The following KCNIP4 variants were observed in gnomAD, a reference collection of about 807,000 sequenced individuals.
The protein encoded by KCNIP4 is potassium voltage-gated channel interacting protein 4.
In KCNIP4, 12 loss-of-function variants were observed where a neutral mutation model predicts 34.0. The observed-to-expected ratio is 0.35, with a 90% CI of 0.23 to 0.57. The LOEUF (loss-of-function observed/expected upper bound fraction) is 0.57, where lower values mean the gene tolerates loss of function less well. KCNIP4 is among the 20% of genes least tolerant of loss of function. The pLI, the probability that KCNIP4 is intolerant of heterozygous loss-of-function variation, is 0.83. For missense variants in KCNIP4, 238 were observed against 311.7 expected, an observed-to-expected ratio of 0.76 and a Z score of 1.78; for synonymous variants, 124 against 102.2, an observed-to-expected ratio of 1.21 and a Z score of -1.29.
At chr4:21,515,887 T>C (rs1462753271) in intron 1 of KCNIP4, among the ~76,000 whole-genome samples, 1 of 152,160 alleles carries the variant, frequency 6.6e-6, no homozygotes, top group African/African-American at 2.4e-5. Context: ...TCCAGAAGCA[T>C]GAGACAAATA....
intron 1 of KCNIP4, among the ~76,000 whole-genome samples, chr4:21,466,914 A>G (rs757967410): frequency 2.0e-5 from 3 of 152,070 alleles, no homozygotes; most frequent in Non-Finnish European, 4.4e-5. Flanking sequence ...ACTCAGTATC[A>G]TTGTATTTAC....
rs1577880052 is a variant in KCNIP4 at position 21,201,869 on chromosome 4, T to G, written c.62-319160A>C. ...TTCACACAATAAATAACTACCTTTA[T>G]AAAATACCTAATGTGTGTGAAGTAT... On this transcript the variant is annotated intron_variant, in intron 1 of 8. Coordinates refer to ENST00000382152, the MANE Select transcript of KCNIP4 (RefSeq NM_025221.6). 7.9e-5 allele frequency among the ~76,000 whole-genome samples: 12 copies of G among 152,344 alleles called. No homozygotes were observed. The South Asian group carries it at 2.5e-3, about 32-fold the overall frequency.
chr4:21,662,488 C>T (rs991055095), intron 1 of KCNIP4, among the ~76,000 whole-genome samples: 4 of 152,166 alleles, frequency 2.6e-5, no homozygotes, highest in Non-Finnish European at 5.9e-5. Flanking sequence ...AAATGCATAT[C>T]CCATTAAAAA....
chr4:21,635,078 C>T (rs915615263), intron 1 of KCNIP4, among the ~76,000 whole-genome samples: 2 of 152,112 alleles, frequency 1.3e-5, no homozygotes, highest in African/African-American at 4.8e-5. Context: ...TTTGTCAAAA[C>T]AATATAACAC....
intron 1 of KCNIP4, among the ~76,000 whole-genome samples, chr4:21,758,209 G>C (rs1185311631): frequency 6.6e-6 from 1 of 152,122 alleles, no homozygotes; most frequent in African/African-American, 2.4e-5. Flanking sequence ...CTAGGTACTG[G>C]GGATACAGAG....
intron 1 of KCNIP4, among the ~76,000 whole-genome samples, chr4:21,681,641 A>C (rs1312601568): frequency 6.6e-6 from 1 of 152,196 alleles, no homozygotes; most frequent in East Asian, 1.9e-4. Context: ...AGAGAGTTAG[A>C]GCCTGTATTA....
intron 1 of KCNIP4, among the ~76,000 whole-genome samples, chr4:21,207,884 C>T (rs1229665486): frequency 2.7e-5 from 4 of 147,048 alleles, no homozygotes; most frequent in Non-Finnish European, 4.5e-5. Flanking sequence ...GCTCTATTGC[C>T]CAGGCTGGAG....
At chr4:21,889,042 G>T (rs1264454999) in intron 1 of KCNIP4, among the ~76,000 whole-genome samples, 2 of 152,086 alleles carry the variant, frequency 1.3e-5, no homozygotes. Context: ...TTAATGGCAT[G>T]TCATATTTTT....
At chr4:21,290,452 G>A (rs923417986) in intron 1 of KCNIP4, among the ~76,000 whole-genome samples, 1 of 152,046 alleles carries the variant, frequency 6.6e-6, no homozygotes, top group African/African-American at 2.4e-5. Flanking sequence ...GTTCAAAGAA[G>A]AAATGAAAAA....
intron 1 of KCNIP4, among the ~76,000 whole-genome samples, chr4:21,445,895 A>C (rs1320816954): frequency 6.6e-6 from 1 of 152,246 alleles, no homozygotes; most frequent in East Asian, 1.9e-4. Flanking sequence ...GCTAATACTC[A>C]GAATCTACAA....
chr4:20,742,318 A>G (rs1292751786), intron 5 of KCNIP4, among the ~76,000 whole-genome samples: 3 of 152,214 alleles, frequency 2.0e-5, no homozygotes, highest in Admixed American at 6.5e-5. Flanking sequence ...AAAATCCTCA[A>G]TAAAATATTA....
chr4:21,466,791 T>C (rs1729979264), intron 1 of KCNIP4, among the ~76,000 whole-genome samples: 1 of 152,098 alleles, frequency 6.6e-6, no homozygotes, highest in Admixed American at 6.6e-5. Flanking sequence ...GCTGAATTTC[T>C]TCAGCAAGCA....
chr4:21,166,088 C>A (rs1258093117), intron 1 of KCNIP4, among the ~76,000 whole-genome samples: 1 of 152,092 alleles, frequency 6.6e-6, no homozygotes, highest in East Asian at 1.9e-4. Flanking sequence ...GAACTGTGAG[C>A]AATATATTTA....
chr4:21,865,744 T>C (rs1395554511), intron 1 of KCNIP4, among the ~76,000 whole-genome samples: 1 of 151,814 alleles, frequency 6.6e-6, no homozygotes, highest in Non-Finnish European at 1.5e-5. Flanking sequence ...GGTTTTACCA[T>C]GTTGGCCAGG....
intron 1 of KCNIP4, among the ~76,000 whole-genome samples, chr4:21,735,441 A>G (rs1205999620): frequency 6.6e-6 from 1 of 152,158 alleles, no homozygotes; most frequent in Non-Finnish European, 1.5e-5. Context: ...TGTACATTTT[A>G]CCTTATTCAG....
chr4:20,820,263 A>C (rs1716937297), intron 3 of KCNIP4, among the ~76,000 whole-genome samples: 1 of 152,172 alleles, frequency 6.6e-6, no homozygotes, highest in South Asian at 2.1e-4. Flanking sequence ...GGAACGAGGG[A>C]TTGTAAACTG....
At chr4:21,170,215 T>TTA (rs1753922199) in intron 1 of KCNIP4, among the ~76,000 whole-genome samples, 1 of 152,160 alleles carries the variant, frequency 6.6e-6, no homozygotes, top group Non-Finnish European at 1.5e-5. Flanking sequence ...AAATTATAGG[T>TTA]TAAGCATGGT....
intron 1 of KCNIP4, among the ~76,000 whole-genome samples, chr4:21,157,852 GA>G (rs1753259726): frequency 6.6e-6 from 1 of 151,750 alleles, no homozygotes; most frequent in African/African-American, 2.4e-5. Flanking sequence ...CAGTAAAATA[GA>G]AACAGAAAAC....
intron 3 of KCNIP4, among the ~76,000 whole-genome samples, chr4:20,810,090 T>A (rs544473537): frequency 1.2e-4 from 19 of 152,314 alleles, no homozygotes; most frequent in African/African-American, 4.3e-4. Flanking sequence ...CTGCAGCAAC[T>A]TGGCAACTGG....
Sources: gnomAD v4.1 joint callset for allele counts (sites outside exome capture counted in the v4.1 genomes callset) on GRCh38, gnomAD v4.1.1 for gene constraint, MANE v1.5 for transcripts, NCBI Gene and HGNC (gene_info 2026-07-23, HGNC 2026-07-21) for gene names.